CSNK2A2IP: variants seen among roughly 807,000 people sequenced by gnomAD.
CSNK2A2IP encodes casein kinase 2 subunit alpha' interacting protein.
At chr3:88,346,723 T>C in the CSNK2A2IP span, among the ~76,000 whole-genome samples, 1 of 152,006 alleles carries the variant, frequency 6.6e-6, no homozygotes, top group Non-Finnish European at 1.5e-5. Flanking sequence ...TTATTAACAA[T>C]GCATCTGGTC....
the CSNK2A2IP span, among the ~76,000 whole-genome samples, chr3:88,427,232 T>C: frequency 2.0e-5 from 3 of 152,182 alleles, no homozygotes; most frequent in African/African-American, 7.2e-5. Flanking sequence ...GAGGCTGCCC[T>C]TGCCCTAGAG....
At chr3:88,428,487 C>T in the CSNK2A2IP span, among the ~76,000 whole-genome samples, 2 of 152,036 alleles carry the variant, frequency 1.3e-5, no homozygotes, top group East Asian at 3.9e-4. Flanking sequence ...GTGTCCCCAC[C>T]CAGATCTTAC....
At chr3:88,398,476 C>T in the CSNK2A2IP span, among the ~76,000 whole-genome samples, 1 of 152,118 alleles carries the variant, frequency 6.6e-6, no homozygotes, top group South Asian at 2.1e-4. Context: ...TAAATCCACA[C>T]ACCAGTTAGA....
the CSNK2A2IP span, among the ~76,000 whole-genome samples, chr3:88,369,604 G>T: frequency 6.6e-6 from 1 of 151,898 alleles, no homozygotes; most frequent in Non-Finnish European, 1.5e-5. Context: ...CACCACCAAA[G>T]AGCTGAAATG....
chr3:88,415,745 C>T, the CSNK2A2IP span, among the ~76,000 whole-genome samples: 1 of 151,944 alleles, frequency 6.6e-6, no homozygotes, highest in African/African-American at 2.4e-5. Flanking sequence ...ACTTCAAGAA[C>T]CACAGTGGTG....
the CSNK2A2IP span, among the ~76,000 whole-genome samples, chr3:88,411,347 T>G: frequency 6.8e-6 from 1 of 148,114 alleles, no homozygotes; most frequent in South Asian, 2.1e-4. Context: ...TCACTCTATC[T>G]ATCATCTATC....
At chr3:88,390,169 A>G in the CSNK2A2IP span, among the ~76,000 whole-genome samples, 1 of 152,120 alleles carries the variant, frequency 6.6e-6, no homozygotes, top group African/African-American at 2.4e-5. Flanking sequence ...ATAAATTTGG[A>G]TAAGGATAAG....
chr3:88,413,042 A>AT, the CSNK2A2IP span, among the ~76,000 whole-genome samples: 2 of 152,004 alleles, frequency 1.3e-5, no homozygotes, highest in Non-Finnish European at 2.9e-5. Context: ...CAGAAGCTAA[A>AT]TTTTTTATTG....
At chr3:88,446,082 C>CTTTCTTTCTTTCTTTA in the CSNK2A2IP span, among the ~76,000 whole-genome samples, 3 of 98,984 alleles carry the variant, frequency 3.0e-5, no homozygotes, top group African/African-American at 1.1e-4. Context: ...TTCTTTCTTT[C>CTTTCTTTCTTTCTTTA]TTTCTTTCTT....
chr3:88,434,016 C>T, the CSNK2A2IP span, among the ~76,000 whole-genome samples: 1 of 151,918 alleles, frequency 6.6e-6, no homozygotes, highest in Non-Finnish European at 1.5e-5. Context: ...ATTTTTGAGC[C>T]CAGATTTTTT....
the CSNK2A2IP span, among the ~76,000 whole-genome samples, chr3:88,346,483 C>T: frequency 6.9e-3 from 1,055 of 152,014 alleles, 15 homozygotes; most frequent in African/African-American, 0.024. Context: ...TGGTGACCTT[C>T]GGTGGAGCCA....
the CSNK2A2IP span, among the ~76,000 whole-genome samples, chr3:88,371,269 A>G: frequency 6.6e-6 from 1 of 151,908 alleles, no homozygotes; most frequent in Non-Finnish European, 1.5e-5. Context: ...AGCAGCTATT[A>G]TAAGTTTTCA....
the CSNK2A2IP span, among the ~76,000 whole-genome samples, chr3:88,394,327 A>G: frequency 6.6e-6 from 1 of 152,220 alleles, no homozygotes; most frequent in African/African-American, 2.4e-5. Context: ...TTTAAGTTTT[A>G]GCAATGGATG....
the CSNK2A2IP span, among the ~76,000 whole-genome samples, chr3:88,362,016 C>T: frequency 3.3e-5 from 5 of 152,028 alleles, no homozygotes; most frequent in African/African-American, 9.7e-5. Flanking sequence ...TGAAGTCTGT[C>T]GAGCTTCTTC....
chr3:88,399,661 C>G, the CSNK2A2IP span: 1 of 152,276 alleles, frequency 6.6e-6, no homozygotes, highest in East Asian at 1.9e-4. Context: ...CGGCTTCCTA[C>G]TTCTTCCTCC....
the CSNK2A2IP span, among the ~76,000 whole-genome samples, chr3:88,385,241 C>G: frequency 6.6e-6 from 1 of 151,796 alleles, no homozygotes; most frequent in Non-Finnish European, 1.5e-5. Context: ...AGCGGTGAGG[C>G]GGGAGGAAAA....
chr3:88,388,828 G>C, the CSNK2A2IP span, among the ~76,000 whole-genome samples: 1 of 151,968 alleles, frequency 6.6e-6, no homozygotes, highest in African/African-American at 2.4e-5. Context: ...GTCTTCCATG[G>C]AAGTTATAGC....
chr3:88,464,580 G>T, the CSNK2A2IP span, among the ~76,000 whole-genome samples: 1 of 151,954 alleles, frequency 6.6e-6, no homozygotes, highest in African/African-American at 2.4e-5. Context: ...TTTCAATGCT[G>T]CAGTGGTGAC....
chr3:88,464,824 G>T, the CSNK2A2IP span, among the ~76,000 whole-genome samples: 1 of 151,936 alleles, frequency 6.6e-6, no homozygotes, highest in Non-Finnish European at 1.5e-5. Flanking sequence ...ATAATATCTT[G>T]GCACTGTTAG....
Sources: gnomAD v4.1 joint callset for allele counts (sites outside exome capture counted in the v4.1 genomes callset) on GRCh38, gnomAD v4.1.1 for gene constraint, MANE v1.5 for transcripts, NCBI Gene and HGNC (gene_info 2026-07-23, HGNC 2026-07-21) for gene names.